DDAH1: variants seen among roughly 807,000 people sequenced by gnomAD.
DDAH1 encodes N(G),N(G)-dimethylarginine dimethylaminohydrolase 1.
In DDAH1, 19 loss-of-function variants were observed where a neutral mutation model predicts 28.8. The observed-to-expected ratio is 0.66, with a 90% CI of 0.46 to 0.97. The LOEUF (loss-of-function observed/expected upper bound fraction) is 0.97. Ranked by LOEUF, DDAH1 falls within the 50% of genes least tolerant of loss-of-function variation. DDAH1 has a pLI of 0.00. For synonymous variants in DDAH1, 153 were observed against 154.4 expected, an observed-to-expected ratio of 0.99 and a Z score of 0.07; for missense variants, 326 against 375.9, an observed-to-expected ratio of 0.87 and a Z score of 1.10.
At chr1:85,358,049 T>A (rs981766220) in intron 2 of DDAH1, among the ~76,000 whole-genome samples, 2 of 152,200 alleles carry the variant, frequency 1.3e-5, no homozygotes, top group Non-Finnish European at 2.9e-5. Flanking sequence ...TATTTGTAAA[T>A]GACACTAATC....
intron 1 of DDAH1, among the ~76,000 whole-genome samples, chr1:85,439,377 GTA>G (rs1458029965): frequency 1.3e-5 from 2 of 152,224 alleles, no homozygotes; most frequent in East Asian, 3.8e-4. Context: ...TAACATGCGA[GTA>G]AATGTCATAG....
intron 1 of DDAH1, among the ~76,000 whole-genome samples, chr1:85,423,115 T>C (rs1653224492): frequency 6.6e-6 from 1 of 152,212 alleles, no homozygotes; most frequent in African/African-American, 2.4e-5. Flanking sequence ...CTCTCTATTC[T>C]GTTTCATTGA....
intron 2 of DDAH1, among the ~76,000 whole-genome samples, chr1:85,357,083 CTGT>C (rs1649528732): frequency 6.6e-6 from 1 of 152,234 alleles, no homozygotes; most frequent in Admixed American, 6.5e-5. Flanking sequence ...GATAAACAGA[CTGT>C]TGTTCTGTAC....
At chr1:85,429,231 G>C (rs1480656726) in intron 1 of DDAH1, among the ~76,000 whole-genome samples, 1 of 143,518 alleles carries the variant, frequency 7.0e-6, no homozygotes, top group Non-Finnish European at 1.5e-5. Flanking sequence ...TGTTCTCATT[G>C]TTCAACTCCC....
intron 1 of DDAH1, among the ~76,000 whole-genome samples, chr1:85,374,623 C>A (rs1292916627): frequency 1.3e-5 from 2 of 152,252 alleles, no homozygotes; most frequent in South Asian, 2.1e-4. Context: ...GTAATCCCAA[C>A]ACCCATGCAT....
At chr1:85,487,993 G>T (rs1557684025) in intron 2 of DDAH1, among the ~76,000 whole-genome samples, 2 of 152,078 alleles carry the variant, frequency 1.3e-5, no homozygotes, top group Non-Finnish European at 2.9e-5. Flanking sequence ...AGACCAGCCT[G>T]ACCAACATGG....
intron 1 of DDAH1, among the ~76,000 whole-genome samples, chr1:85,362,869 T>C (rs1328714367): frequency 2.6e-5 from 4 of 152,186 alleles, no homozygotes; most frequent in Non-Finnish European, 5.9e-5. Context: ...AAAAATACAA[T>C]TTTCTGTATT....
chr1:85,381,237 A>G (rs1051852008), intron 1 of DDAH1, among the ~76,000 whole-genome samples: 1 of 151,886 alleles, frequency 6.6e-6, no homozygotes, highest in African/African-American at 2.4e-5. Context: ...CCAAAAAAAA[A>G]AAAAAAGATA....
intron 1 of DDAH1, among the ~76,000 whole-genome samples, chr1:85,577,799 C>G (rs1659655501): frequency 6.6e-6 from 1 of 152,018 alleles, no homozygotes; most frequent in Non-Finnish European, 1.5e-5. Context: ...GAGAGACGTC[C>G]CCATCTCTCA....
chr1:85,416,896 A>T (rs1315319646), intron 1 of DDAH1, among the ~76,000 whole-genome samples: 1 of 151,984 alleles, frequency 6.6e-6, no homozygotes, highest in Non-Finnish European at 1.5e-5. Context: ...TCGAACTCCC[A>T]GGCTCAAGCA....
intron 2 of DDAH1, among the ~76,000 whole-genome samples, chr1:85,352,633 CTTG>C (rs1217718925): frequency 1.3e-5 from 2 of 152,014 alleles, no homozygotes; most frequent in African/African-American, 4.8e-5. Context: ...GGGCAATTAT[CTTG>C]TTTTTATTAA....
chr1:85,344,361 A>C (rs546779733), intron 4 of DDAH1, among the ~76,000 whole-genome samples: 1 of 152,332 alleles, frequency 6.6e-6, no homozygotes, highest in East Asian at 1.9e-4. Context: ...AAACAAGACA[A>C]AACAACAAAA....
intron 1 of DDAH1, among the ~76,000 whole-genome samples, chr1:85,404,737 C>A (rs1652325081): frequency 6.6e-6 from 1 of 152,146 alleles, no homozygotes; most frequent in South Asian, 2.1e-4. Flanking sequence ...GGGAAATTCT[C>A]TGTCTTTCTC....
intron 1 of DDAH1, among the ~76,000 whole-genome samples, chr1:85,507,148 G>A (rs529368): frequency 0.99 from 150,323 of 152,238 alleles, 74,251 homozygotes; most frequent in Middle Eastern, 1. Context: ...GTGTGTGTGT[G>A]TATATATTTT....
Position 85,479,214 on chromosome 1 carries a change from C to T in DDAH1, c.-7+16952G>A, listed in dbSNP as rs1347027692. Among the ~76,000 whole-genome samples, 410 of 138,370 alleles carry T rather than the reference C, an allele frequency of 3.0e-3. 2 individuals carry two copies. Among genetic ancestry groups the T allele is most frequent in the African/African-American group, 0.011 (396 of 37,486 alleles). The allele number at this position is 138,370 out of a possible 152,430, so 90.8% of individuals were successfully genotyped here. On this transcript the variant is annotated intron_variant, in intron 2 of 6. Transcript: ENST00000426972. The stretch of plus-strand genomic sequence containing the variant: ...CGGAGTCTTGCTCTGTCGCCCAGGC[C>T]GGACTGCGGACTGCAGTGGCGCGAT...
chr1:85,471,474 T>C (rs942185045), intron 2 of DDAH1, among the ~76,000 whole-genome samples: 24 of 152,238 alleles, frequency 1.6e-4, no homozygotes, highest in Non-Finnish European at 2.2e-4. Flanking sequence ...TGTGTATATG[T>C]GTGCACACAC....
rs148708040 is a variant in DDAH1, at chr1:85,474,702, C to T, written c.-7+21464G>A. 6.4e-4 allele frequency among the ~76,000 whole-genome samples: 97 copies of T among 152,236 alleles called. No homozygotes were observed. In the East Asian group the frequency reaches 0.012, roughly 19 times the overall value. ...CTTGTTATTACTGGATCCTCAATTC[C>T]GGTGTGTAGAGAATGGCTGAATTAA... On this transcript the variant is annotated intron_variant, in intron 2 of 6. Coordinates refer to the DDAH1 transcript ENST00000426972.
intron 2 of DDAH1, among the ~76,000 whole-genome samples, chr1:85,490,941 A>G (rs1006193197): frequency 1.3e-5 from 2 of 151,932 alleles, no homozygotes; most frequent in African/African-American, 4.8e-5. Flanking sequence ...CAACTCTACC[A>G]TTAAAATATT....
chr1:85,501,284 A>T (rs1214344357), intron 1 of DDAH1, among the ~76,000 whole-genome samples: 2 of 152,230 alleles, frequency 1.3e-5, no homozygotes, highest in African/African-American at 4.8e-5. Flanking sequence ...CCAGGGCTAG[A>T]GTAGCCCTCC....
Sources: allele counts gnomAD v4.1 joint callset (sites outside exome capture counted in the v4.1 genomes callset), GRCh38; gene constraint gnomAD v4.1.1; transcripts MANE v1.5; gene names NCBI Gene and HGNC (gene_info 2026-07-23, HGNC 2026-07-21).